The following SHOC2 variants were observed in gnomAD, a reference collection of about 807,000 sequenced individuals.
SHOC2 encodes leucine-rich repeat protein SHOC-2.
SHOC2 carries 4 observed loss-of-function variants against 50.2 expected under a neutral mutation model. That is an observed-to-expected ratio of 0.08 (90% CI 0.04 to 0.18). The LOEUF (loss-of-function observed/expected upper bound fraction) is 0.18, where lower values mean the gene tolerates loss of function less well. Ranked by LOEUF, SHOC2 falls within the 10% of genes least tolerant of loss-of-function variation. SHOC2 has a pLI of 1.00. For synonymous variants in SHOC2, 218 were observed against 244.5 expected (o/e 0.89, Z 1.01); for missense variants, 388 against 669.6 (o/e 0.58, Z 4.64).
At position 111,011,908 on chromosome 10, in the gene SHOC2, T is replaced by C. The variant is rs1248746001; in HGVS notation, c.*90T>C. On this transcript the variant is annotated 3_prime_UTR_variant, in exon 9 of 9. Coordinates refer to ENST00000369452, the MANE Select transcript of SHOC2 (RefSeq NM_007373.4). ...CTGTATCTATTTATGTAGATATTGG[T>C]ATATGGCAGATTTATAAAAATTGCA... The C allele has an allele frequency of 6.8e-6, 7 of 1,023,538 alleles. No homozygotes were observed. The East Asian group carries it at 9.7e-5, about 14-fold the overall frequency. 63.4% of individuals were successfully genotyped at this position (1,023,538 alleles called of 1,614,324 possible).
intron 2 of SHOC2, among the ~76,000 whole-genome samples, chr10:110,983,139 C>T (rs1848014121): frequency 6.6e-6 from 1 of 151,720 alleles, no homozygotes; most frequent in African/African-American, 2.4e-5. Context: ...GTAATATGTC[C>T]TTTTTATCTT....
chr10:110,974,040 A>G (rs1273886467), intron 2 of SHOC2, among the ~76,000 whole-genome samples: 7 of 151,510 alleles, frequency 4.6e-5, no homozygotes, highest in African/African-American at 1.5e-4. Context: ...TTTATTTTCA[A>G]ATTCCTTATT....
chr10:110,980,797 T>C lies in SHOC2; in HGVS notation c.704-4831T>C, dbSNP rs1847962125. ...GGGTCTCAGTTCAAATATGCTTTTT[T>C]TTTTCACCCCAACTTCCCCCAACAG... On this transcript the variant is annotated intron_variant, in intron 2 of 8. Transcript: ENST00000369452. 1.3e-5 allele frequency among the ~76,000 whole-genome samples: 2 copies of C among 152,144 alleles called. 1 individual carries two copies. Among genetic ancestry groups the C allele is most frequent in the Admixed American group, 1.3e-4 (2 of 15,270 alleles).
At chr10:111,007,693 C>A in intron 6 of SHOC2, 40 bp downstream of exon 6, 1 of 1,602,576 alleles carries the variant, frequency 6.2e-7, no homozygotes, top group Non-Finnish European at 8.5e-7. Flanking sequence ...CAGAACCTTC[C>A]ATACGTATCT....
rs1274288913 is a variant in SHOC2 at position 111,012,808 on chromosome 10, T to G, written c.*990T>G. 1 of 152,664 alleles carries G rather than the reference T, an allele frequency of 6.6e-6. No individual in the cohort carries two copies. Among genetic ancestry groups the G allele is most frequent in the Non-Finnish European group, 1.5e-5 (1 of 68,028 alleles). 9.5% of individuals were successfully genotyped at this position (152,664 alleles called of 1,614,324 possible). A position where few individuals can be genotyped will look rare whatever the true frequency, so the allele number is the denominator to read the frequency against. On this transcript the variant is annotated 3_prime_UTR_variant, in exon 9 of 9. Transcript: ENST00000369452. ...TCCTTGTACAATGACATGAATGTCT[T>G]TCTTTGAAAACTGCAATGTATGTAT...
Position 111,011,993 on chromosome 10 carries a change from C to A in SHOC2, c.*175C>A. On this transcript the variant is annotated 3_prime_UTR_variant, in exon 9 of 9. Transcript: ENST00000369452. The stretch of plus-strand genomic sequence containing the variant: ...TTTAGAATTTTTTTTAAATTCTGTA[C>A]AAAAGGCTTATATAAGTTTTCTTTG... The A allele has an allele frequency of 1.6e-6, 1 of 617,514 alleles. No homozygotes were observed. Among genetic ancestry groups the A allele is most frequent in the East Asian group, 2.8e-5 (1 of 35,930 alleles). The allele number at this position is 617,514 out of a possible 1,614,324, so 38.3% of individuals were successfully genotyped here. A position where few individuals can be genotyped will look rare whatever the true frequency, so the allele number is the denominator to read the frequency against.
intron 1 of SHOC2, among the ~76,000 whole-genome samples, chr10:110,933,249 C>T (rs1846930368): frequency 6.6e-6 from 1 of 151,984 alleles, no homozygotes; most frequent in Non-Finnish European, 1.5e-5. Context: ...AGTGATTACT[C>T]ATTGTATACA....
chr10:110,944,739 A>G (rs1590789334), intron 1 of SHOC2, among the ~76,000 whole-genome samples: 1 of 152,200 alleles, frequency 6.6e-6, no homozygotes, highest in East Asian at 1.9e-4. Flanking sequence ...TGCAAACTCT[A>G]TTTGATGTGT....
At chr10:110,929,185 T>C (rs1277242401) in intron 1 of SHOC2, among the ~76,000 whole-genome samples, 1 of 152,122 alleles carries the variant, frequency 6.6e-6, no homozygotes, top group Non-Finnish European at 1.5e-5. Flanking sequence ...AAATAGTAGA[T>C]TGATGTGGTA....
At chr10:111,007,504 T>C in intron 5 of SHOC2, 27 bp from the exon 6 acceptor site, 1 of 1,612,994 alleles carries the variant, frequency 6.2e-7, no homozygotes, top group Non-Finnish European at 8.5e-7. Context: ...TGATTCTACC[T>C]TGGATGCTTC....
rs1056480289 is a variant in SHOC2, at chr10:110,932,612, C to G, written c.-235+12955C>G. Among the ~76,000 whole-genome samples the G allele has an allele frequency of 1.6e-4, 25 of 152,166 alleles. 1 individual carries two copies. In the East Asian group the frequency reaches 4.8e-3, roughly 29 times the overall value. On this transcript the variant is annotated intron_variant, in intron 1 of 8. Coordinates refer to ENST00000369452, the MANE Select transcript of SHOC2 (RefSeq NM_007373.4). Reference sequence around the variant, plus strand: ...GATGACACCACCTGGATTCCTAGCCCCCTTTCACCTTTTTTGGTTGATTCC... The same window carrying G: ...GATGACACCACCTGGATTCCTAGCCGCCTTTCACCTTTTTTGGTTGATTCC...
chr10:110,950,463 A>G (rs1048883433), intron 1 of SHOC2, among the ~76,000 whole-genome samples: 1 of 152,200 alleles, frequency 6.6e-6, no homozygotes. Flanking sequence ...CAATCTATAT[A>G]TTTGATACAA....
Position 111,009,867 on chromosome 10 carries a change from A to C in SHOC2, c.1540+37A>C, listed in dbSNP as rs1471154555. 11 of 1,115,462 alleles carry C rather than the reference A, an allele frequency of 9.9e-6. No individual in the cohort carries two copies. The East Asian group carries it at 2.4e-4, about 24-fold the overall frequency. The allele number at this position is 1,115,462 out of a possible 1,614,324, so 69.1% of individuals were successfully genotyped here. The stretch of plus-strand genomic sequence containing the variant: ...GTGAATGCTTGACTCTGTACTAATA[A>C]TTTGCTCTTGTGCATTCAAGCAATA... On this transcript the variant is annotated intron_variant, in intron 8 of 8. Coordinates refer to ENST00000369452, the MANE Select transcript of SHOC2 (RefSeq NM_007373.4).
At chr10:111,006,965 T>C (rs991648913) in intron 5 of SHOC2, among the ~76,000 whole-genome samples, 1 of 152,248 alleles carries the variant, frequency 6.6e-6, no homozygotes, top group Non-Finnish European at 1.5e-5. Context: ...TGGTGATGAA[T>C]ATATTTTACC....
At chr10:110,958,791 T>G (rs1021835008) in intron 1 of SHOC2, among the ~76,000 whole-genome samples, 1 of 152,102 alleles carries the variant, frequency 6.6e-6, no homozygotes, top group Non-Finnish European at 1.5e-5. Flanking sequence ...AGCCGGCTAC[T>G]CAGACATTAC....
At chr10:111,001,181 G>C (rs1333924037) in intron 4 of SHOC2, among the ~76,000 whole-genome samples, 1 of 133,754 alleles carries the variant, frequency 7.5e-6, no homozygotes, top group Non-Finnish European at 1.6e-5. Context: ...TTTTGAGGCA[G>C]AGTTTAGCTC....
intron 1 of SHOC2, among the ~76,000 whole-genome samples, chr10:110,945,278 C>T (rs913286590): frequency 6.6e-6 from 1 of 152,164 alleles, no homozygotes; most frequent in Non-Finnish European, 1.5e-5. Flanking sequence ...GGAAACAAGA[C>T]TGCTCAAGCA....
intron 1 of SHOC2, among the ~76,000 whole-genome samples, chr10:110,920,666 C>G (rs1043222958): frequency 3.9e-5 from 6 of 152,190 alleles, no homozygotes; most frequent in African/African-American, 4.8e-5. Flanking sequence ...TAAGCCCTTA[C>G]AGTTGGCAGT....
intron 3 of SHOC2, among the ~76,000 whole-genome samples, chr10:110,999,727 ACT>A (rs1028246510): frequency 1.9e-5 from 2 of 104,756 alleles, no homozygotes; most frequent in African/African-American, 7.4e-5. Flanking sequence ...ATAGAGTGAG[ACT>A]CAGTCTCAAA....
Sources: gnomAD v4.1 joint callset for allele counts (sites outside exome capture counted in the v4.1 genomes callset) on GRCh38, gnomAD v4.1.1 for gene constraint, MANE v1.5 for transcripts, NCBI Gene and HGNC (gene_info 2026-07-23, HGNC 2026-07-21) for gene names.